ZEB1: variants seen among roughly 807,000 people sequenced by gnomAD.
ZEB1 encodes zinc finger E-box binding homeobox 1.
In ZEB1, 21 loss-of-function variants were observed where a neutral mutation model predicts 84.9. The ratio of observed to expected loss-of-function variants is 0.25; its 90% CI spans 0.18 to 0.36. The LOEUF (loss-of-function observed/expected upper bound fraction) is 0.36. Among genes scored for constraint, ZEB1 ranks in the 10% least tolerant of loss-of-function variants. ZEB1 has a pLI of 1.00. For synonymous variants in ZEB1, 420 were observed against 471.1 expected (o/e 0.89, Z 1.41); for missense variants, 1,104 against 1,330.2 (o/e 0.83, Z 2.65).
intron 4 of ZEB1, among the ~76,000 whole-genome samples, chr10:31,508,445 T>C (rs1200859142): frequency 6.6e-6 from 1 of 151,918 alleles, no homozygotes; most frequent in African/African-American, 2.4e-5. Context: ...GCTGGGTGAG[T>C]CAGTCCCCAG....
chr10:31,322,767 A>G (rs1473106611), intron 1 of ZEB1, among the ~76,000 whole-genome samples: 1 of 146,168 alleles, frequency 6.8e-6, no homozygotes, highest in Admixed American at 6.7e-5. Context: ...TTTTTTTGAG[A>G]GAGAGATGTA....
intron 1 of ZEB1, among the ~76,000 whole-genome samples, chr10:31,368,560 TTTA>T (rs1389421662): frequency 6.6e-6 from 1 of 152,170 alleles, no homozygotes; most frequent in Non-Finnish European, 1.5e-5. Context: ...TGTATTATTT[TTTA>T]TTGTTTTGTT....
chr10:31,433,591 C>T (rs1196998277), intron 1 of ZEB1, among the ~76,000 whole-genome samples: 4 of 152,194 alleles, frequency 2.6e-5, no homozygotes, highest in African/African-American at 7.2e-5. Context: ...TTCCATAAGA[C>T]ATCTGTTATA....
chr10:31,448,413 C>T (rs1479689206), intron 1 of ZEB1, among the ~76,000 whole-genome samples: 1,698 of 143,728 alleles, frequency 0.012, 24 homozygotes, highest in Non-Finnish European at 0.015. Flanking sequence ...TCTCTCAGCT[C>T]GTCAAAGTCA....
At chr10:31,470,882 A>G (rs1416399388) in intron 2 of ZEB1, among the ~76,000 whole-genome samples, 1 of 139,986 alleles carries the variant, frequency 7.1e-6, no homozygotes, top group South Asian at 2.5e-4. Context: ...AAACCCTACA[A>G]GCCAGAAGAG....
At chr10:31,486,044 A>G (rs2065714833) in intron 2 of ZEB1, among the ~76,000 whole-genome samples, 1 of 151,774 alleles carries the variant, frequency 6.6e-6, no homozygotes, top group Non-Finnish European at 1.5e-5. Context: ...GATGTATTCA[A>G]GTTGTTGCGT....
intron 1 of ZEB1, among the ~76,000 whole-genome samples, chr10:31,376,187 G>A (rs2046592586): frequency 6.6e-6 from 1 of 151,682 alleles, no homozygotes; most frequent in African/African-American, 2.4e-5. Context: ...GATGCCATAG[G>A]TCTTGCAGGG....
intron 1 of ZEB1, among the ~76,000 whole-genome samples, chr10:31,322,844 A>T (rs1296056912): frequency 6.6e-6 from 1 of 151,778 alleles, no homozygotes; most frequent in African/African-American, 2.4e-5. Flanking sequence ...TCCTTCTGTC[A>T]TCAGCACCAT....
intron 1 of ZEB1, among the ~76,000 whole-genome samples, chr10:31,339,674 A>T (rs1022433550): frequency 6.6e-6 from 1 of 151,898 alleles, no homozygotes; most frequent in East Asian, 1.9e-4. Context: ...GGAGGCTGAG[A>T]CAGGAGAATC....
intron 7 of ZEB1, among the ~76,000 whole-genome samples, chr10:31,522,568 C>T (rs1344276439): frequency 6.6e-6 from 1 of 152,038 alleles, no homozygotes; most frequent in African/African-American, 2.4e-5. Context: ...CAGTGTTTAC[C>T]ACAACAGTGT....
intron 6 of ZEB1, among the ~76,000 whole-genome samples, chr10:31,517,963 G>T (rs1441971648): frequency 2.0e-5 from 3 of 152,070 alleles, no homozygotes; most frequent in Non-Finnish European, 4.4e-5. Context: ...GGCAAAGCTA[G>T]GGCTGTGATG....
At chr10:31,354,201 C>T (rs908030734) in intron 1 of ZEB1, among the ~76,000 whole-genome samples, 1 of 151,948 alleles carries the variant, frequency 6.6e-6, no homozygotes, top group Non-Finnish European at 1.5e-5. Context: ...TATTGGAATC[C>T]CATTTCATCT....
At chr10:31,327,175 A>T (rs1039704177) in intron 1 of ZEB1, among the ~76,000 whole-genome samples, 1 of 140,478 alleles carries the variant, frequency 7.1e-6, no homozygotes, top group Non-Finnish European at 1.5e-5. Flanking sequence ...TAAAGGCGCG[A>T]TATCAGCTCA....
chr10:31,527,412 AACACACAC>A lies in ZEB1; in HGVS notation c.*182_*189del, dbSNP rs3086583. On this transcript the variant is annotated 3_prime_UTR_variant, in exon 9 of 9. Coordinates refer to ENST00000424869, the MANE Select transcript of ZEB1 (RefSeq NM_001174096.2). Reference sequence around the variant, plus strand: ...AAAACTAAAAAAATACAAAATACAAAACACACACACACACACACACACACACACACACA... The same window carrying A: ...AAAACTAAAAAAATACAAAATACAAAACACACACACACACACACACACACA... 0.01 allele frequency: 5,191 copies of A among 515,292 alleles called. 77 individuals are homozygous for A. The highest frequency in any genetic ancestry group is 0.056 in the African/African-American group (2,799 of 49,560). 31.9% of individuals were successfully genotyped at this position (515,292 alleles called of 1,614,324 possible). A position where few individuals can be genotyped will look rare whatever the true frequency, so the allele number is the denominator to read the frequency against.
At chr10:31,443,388 A>C (rs1290875303) in intron 1 of ZEB1, among the ~76,000 whole-genome samples, 1 of 151,500 alleles carries the variant, frequency 6.6e-6, no homozygotes. Flanking sequence ...CCAGGTTTGT[A>C]AAAGGATTTG....
At chr10:31,500,114 A>G (rs1591896896) in intron 3 of ZEB1, among the ~76,000 whole-genome samples, 2 of 152,166 alleles carry the variant, frequency 1.3e-5, no homozygotes, top group East Asian at 3.9e-4. Flanking sequence ...AATATTTTAT[A>G]ATATAATTTG....
intron 3 of ZEB1, among the ~76,000 whole-genome samples, chr10:31,498,725 GA>G (rs1272200308): frequency 1.3e-5 from 2 of 151,808 alleles, no homozygotes; most frequent in Non-Finnish European, 2.9e-5. Flanking sequence ...TATTACATAT[GA>G]AATCCATAGT....
At chr10:31,383,591 C>G (rs2048088165) in intron 1 of ZEB1, among the ~76,000 whole-genome samples, 1 of 152,098 alleles carries the variant, frequency 6.6e-6, no homozygotes, top group African/African-American at 2.4e-5. Context: ...TGTAACACTT[C>G]AGCATTGTAC....
intron 1 of ZEB1, among the ~76,000 whole-genome samples, chr10:31,384,088 G>T (rs1269215896): frequency 2.1e-5 from 3 of 145,976 alleles, no homozygotes; most frequent in Non-Finnish European, 4.5e-5. Context: ...TGATTGTCCT[G>T]CCTCAGCTAC....
Sources: gnomAD v4.1 joint callset for allele counts (sites outside exome capture counted in the v4.1 genomes callset) on GRCh38, gnomAD v4.1.1 for gene constraint, MANE v1.5 for transcripts, NCBI Gene and HGNC (gene_info 2026-07-23, HGNC 2026-07-21) for gene names.